The following ABCA9 variants were observed in gnomAD, a reference collection of about 807,000 sequenced individuals.
ABCA9 encodes ATP binding cassette subfamily A member 9.
In ABCA9, 183 loss-of-function variants were observed where a neutral mutation model predicts 205.3. The observed-to-expected ratio is 0.89, with a 90% CI of 0.79 to 1.01. The LOEUF (loss-of-function observed/expected upper bound fraction) is 1.01. ABCA9 is among the 50% of genes least tolerant of loss of function. ABCA9 has a pLI of 0.00. For missense variants in ABCA9, 1,805 were observed against 1,912.4 expected, an observed-to-expected ratio of 0.94 and a Z score of 1.05; for synonymous variants, 651 against 683.3, an observed-to-expected ratio of 0.95 and a Z score of 0.74.
chr17:69,072,187 G>T, the ABCA9 span, among the ~76,000 whole-genome samples: 1 of 152,148 alleles, frequency 6.6e-6, no homozygotes, highest in Non-Finnish European at 1.5e-5. Flanking sequence ...ATATTAACCA[G>T]GAGAACTTCA....
At chr17:69,043,400 G>A (rs1220181437) in intron 6 of ABCA9, 89 bp downstream of exon 6, 19 of 1,051,364 alleles carry the variant, frequency 1.8e-5, no homozygotes, top group Non-Finnish European at 2.6e-5. Context: ...CTGTGGCCTG[G>A]GGCTTGGGGA....
chr17:69,067,878 G>A, the ABCA9 span, among the ~76,000 whole-genome samples: 1 of 152,126 alleles, frequency 6.6e-6, no homozygotes, highest in African/African-American at 2.4e-5. Flanking sequence ...TCTGTTGGGG[G>A]CAGTACATAA....
At chr17:68,999,014 T>C (rs1281282424) in intron 25 of ABCA9, among the ~76,000 whole-genome samples, 4 of 152,076 alleles carry the variant, frequency 2.6e-5, no homozygotes, top group Non-Finnish European at 5.9e-5. Context: ...CTTTTTATCT[T>C]GGACATGTAT....
the ABCA9 span, among the ~76,000 whole-genome samples, chr17:69,078,397 C>T: frequency 6.6e-6 from 1 of 152,044 alleles, no homozygotes; most frequent in African/African-American, 2.4e-5. Flanking sequence ...TGGAGTTTCA[C>T]CATATTGGCC....
chr17:69,073,671 A>G, the ABCA9 span, among the ~76,000 whole-genome samples: 4 of 152,220 alleles, frequency 2.6e-5, no homozygotes, highest in African/African-American at 9.6e-5. Flanking sequence ...TTGACACCCT[A>G]ACATTACAAT....
At chr17:68,993,796 T>A (rs1167137610) in intron 26 of ABCA9, among the ~76,000 whole-genome samples, 1 of 152,162 alleles carries the variant, frequency 6.6e-6, no homozygotes, top group Non-Finnish European at 1.5e-5. Flanking sequence ...TTTTCTTAGG[T>A]GCCCCAGTTG....
chr17:69,044,606 G>A lies in ABCA9; in HGVS notation c.470-6C>T. 1.9e-6 allele frequency: 3 copies of A among 1,609,950 alleles called. No individual in the cohort carries two copies. In the South Asian group the frequency reaches 3.3e-5, roughly 18 times the overall value. ...ATTCACTGCTTGACAGTGAGCTTTA[G>A]AAGAAGAACACATCCATTATTACGG... On this transcript the variant is annotated splice_polypyrimidine_tract_variant and splice_region_variant and intron_variant, in intron 4 of 38. Transcript: ENST00000340001.
intron 34 of ABCA9, 93 bp from the exon 35 acceptor site, chr17:68,984,268 C>T (rs1346858082): frequency 6.5e-7 from 1 of 1,543,738 alleles, no homozygotes; most frequent in African/African-American, 1.4e-5. Flanking sequence ...AAAGATGAAA[C>T]ATGCAGCGAA....
intron 16 of ABCA9, among the ~76,000 whole-genome samples, chr17:69,025,028 A>G (rs1398704885): frequency 2.0e-5 from 3 of 152,144 alleles, no homozygotes; most frequent in Admixed American, 6.5e-5. Context: ...AATCAGTTTG[A>G]AAAAAAGGCT....
At chr17:69,043,381 A>C (rs1567968052) in intron 6 of ABCA9, 108 bp downstream of exon 6, 2 of 807,148 alleles carry the variant, frequency 2.5e-6, no homozygotes, top group Non-Finnish European at 3.9e-6. Flanking sequence ...GCCATGGACC[A>C]GTAGCAGTCT....
intron 1 of ABCA9, among the ~76,000 whole-genome samples, chr17:69,059,446 T>C (rs1216453177): frequency 6.6e-6 from 1 of 151,678 alleles, no homozygotes; most frequent in East Asian, 1.9e-4. Flanking sequence ...ATTCTGCTGC[T>C]ACGGCTTTGA....
intron 25 of ABCA9, among the ~76,000 whole-genome samples, chr17:69,000,580 T>C (rs973577352): frequency 6.9e-6 from 1 of 145,186 alleles, no homozygotes; most frequent in East Asian, 2.0e-4. Flanking sequence ...AGCTTTGTTC[T>C]TTTGGCTTAG....
At chr17:69,040,694 A>G (rs2071503178) in intron 6 of ABCA9, among the ~76,000 whole-genome samples, 1 of 152,212 alleles carries the variant, frequency 6.6e-6, no homozygotes, top group South Asian at 2.1e-4. Context: ...CACATTCTGC[A>G]CATGTATCCC....
intron 8 of ABCA9, chr17:69,034,851 T>C (rs1324785404): frequency 6.5e-6 from 1 of 153,540 alleles, no homozygotes; most frequent in African/African-American, 2.4e-5. Flanking sequence ...ATATCATAAC[T>C]AAAATTAACT....
At chr17:69,028,087 A>C (rs1049419990) in intron 12 of ABCA9, among the ~76,000 whole-genome samples, 1 of 152,236 alleles carries the variant, frequency 6.6e-6, no homozygotes, top group South Asian at 2.1e-4. Context: ...ATACAATTCA[A>C]TAAAAGAATA....
At chr17:69,024,138 G>A in intron 17 of ABCA9, 76 bp downstream of exon 17, 1 of 1,485,344 alleles carries the variant, frequency 6.7e-7, no homozygotes, top group Non-Finnish European at 9.3e-7. Flanking sequence ...ATTAAAACTA[G>A]CCATCATTCT....
chr17:69,016,111 T>TATATATAC (rs1332800953), intron 22 of ABCA9, 142 bp downstream of exon 22: 20 of 264,320 alleles, frequency 7.6e-5, no homozygotes, highest in African/African-American at 4.0e-4. Context: ...TGTATATATA[T>TATATATAC]ATATATATAT....
chr17:69,018,585 C>T lies in ABCA9; in HGVS notation c.2601-6G>A, dbSNP rs763648060. 1.3e-6 allele frequency: 2 copies of T among 1,554,698 alleles called. No individual in the cohort carries two copies. Among genetic ancestry groups the T allele is most frequent in the Non-Finnish European group, 1.7e-6 (2 of 1,158,744 alleles). ...TAATACCAAAAAGCAATAATCTATG[C>T]AGAGGAAAATGTAAAAGAAAAAAAT... On this transcript the variant is annotated splice_region_variant and splice_polypyrimidine_tract_variant and intron_variant, in intron 19 of 38. Coordinates refer to ENST00000340001, the MANE Select transcript of ABCA9 (RefSeq NM_080283.4).
intron 29 of ABCA9, among the ~76,000 whole-genome samples, chr17:68,990,499 A>G (rs565455060): frequency 6.6e-6 from 1 of 152,334 alleles, no homozygotes; most frequent in East Asian, 1.9e-4. Context: ...TTCCAGCCTC[A>G]GCCTTCTGAG....
Sources: gnomAD v4.1 joint callset for allele counts (sites outside exome capture counted in the v4.1 genomes callset) on GRCh38, gnomAD v4.1.1 for gene constraint, MANE v1.5 for transcripts, NCBI Gene and HGNC (gene_info 2026-07-23, HGNC 2026-07-21) for gene names.